The following APOL4 variants were observed in gnomAD, a reference collection of about 807,000 sequenced individuals.
APOL4 encodes apolipoprotein L, 4.
Under a neutral mutation model 12.1 loss-of-function variants are expected in APOL4, and 14 were observed. The observed-to-expected ratio is 1.16, with a 90% CI of 0.76 to 1.81. APOL4 has a LOEUF of 1.81. Among genes scored for constraint, APOL4 ranks in the 40% most tolerant of loss-of-function variants. APOL4 has a pLI of 0.00. For missense variants in APOL4, 432 were observed against 423.1 expected, an observed-to-expected ratio of 1.02 and a Z score of -0.18; for synonymous variants, 171 against 160.6, an observed-to-expected ratio of 1.06 and a Z score of -0.49.
In APOL4 at chr22:36,191,759, T is replaced by G. The variant is rs1266739385; in HGVS notation, c.363A>C (p.Glu121Asp). Residue 121 changes from glutamate to aspartate, a missense_variant, in exon 4 of 4, where the codon GAA becomes GAC. Glu to Asp is a conservative substitution (Grantham distance 45). Transcript: ENST00000683024. ...QIRWKIQESIERLRVIANEIE... is the reference protein window; with the variant it reads ...QIRWKIQESIDRLRVIANEIE... ...TCTCATTTGCAATGACACGAAGCCT[T>G]TCTATGGACTCCTGAATCTTCCATC... 2 of 1,613,782 alleles carry G rather than the reference T, an allele frequency of 1.2e-6. No individual in the cohort carries two copies. Among genetic ancestry groups the G allele is most frequent in the Non-Finnish European group, 1.7e-6 (2 of 1,179,874 alleles).
intron 1 of APOL4, among the ~76,000 whole-genome samples, chr22:36,201,319 A>G: frequency 6.7e-6 from 1 of 149,448 alleles, no homozygotes; most frequent in South Asian, 2.2e-4. Flanking sequence ...GGGCCCCCTG[A>G]TGGGGTTCCA....
upstream of APOL4, among the ~76,000 whole-genome samples, chr22:36,202,282 T>C (rs1016589305): frequency 6.6e-6 from 1 of 152,212 alleles, no homozygotes; most frequent in African/African-American, 2.4e-5. Flanking sequence ...AATTTGTTAA[T>C]TTTTGATTTC....
rs763740927 is a variant in APOL4, at chr22:36,191,419, C to T, written c.703G>A (p.Glu235Lys). The T allele has an allele frequency of 6.2e-6, 10 of 1,613,912 alleles. No individual in the cohort carries two copies. The highest frequency in any genetic ancestry group is 3.3e-5 in the South Asian group (3 of 91,092). ...TCATTCGCAATCATTTTTGTGGCTTCGTCAAAATCAAGTGCAAAAGAAAGC... is the reference window on the plus strand; with the variant it reads ...TCATTCGCAATCATTTTTGTGGCTTTGTCAAAATCAAGTGCAAAAGAAAGC... ...NVLSFALDFD[E>K]ATKMIANDVH... The change falls in exon 4 of 4, where the codon GAA (glutamate) becomes AAA (lysine). Residue 235 changes from glutamate to lysine, a missense_variant. Physicochemically the swap from Glu to Lys is moderately conservative, Grantham distance 56. Coordinates refer to ENST00000683024, the MANE Select transcript of APOL4 (RefSeq NM_001386885.1).
At chr22:36,199,973 A>G (rs1300248186) in intron 1 of APOL4, among the ~76,000 whole-genome samples, 1 of 151,902 alleles carries the variant, frequency 6.6e-6, no homozygotes, top group East Asian at 1.9e-4. Flanking sequence ...ACATTCGGCT[A>G]ATTTTTTGTA....
upstream of APOL4, among the ~76,000 whole-genome samples, chr22:36,203,361 T>C (rs1482713707): frequency 6.6e-6 from 1 of 152,224 alleles, no homozygotes; most frequent in Non-Finnish European, 1.5e-5. Context: ...TAGGGTCATT[T>C]GATTACGAGG....
At position 36,199,377 on chromosome 22, in the gene APOL4, C is replaced by G. The variant is rs1427877383; in HGVS notation, c.36-1G>C. The G allele has an allele frequency of 1.2e-6, 2 of 1,614,036 alleles. No individual in the cohort carries two copies. The highest frequency in any genetic ancestry group is 3.3e-5 in the Admixed American group (2 of 60,030). On this transcript the variant is annotated splice_acceptor_variant, in intron 1 of 3. Transcript: ENST00000683024. LOFTEE classifies it high-confidence loss of function. ...CCAGCCTGGATGGTTTTGCTGCACC[C>G]TTGAGGAAGAGAAAACAAATTGTGG...
chr22:36,198,492 G>A (rs942453933), intron 2 of APOL4, among the ~76,000 whole-genome samples: 4 of 152,118 alleles, frequency 2.6e-5, no homozygotes, highest in Admixed American at 2.0e-4. Context: ...ATGTTTCTTT[G>A]ACAAGGGGTA....
In APOL4 at chr22:36,195,419, T is replaced by C; in HGVS notation, c.101A>G (p.Glu34Gly). 1 of 1,613,320 alleles carries C rather than the reference T, an allele frequency of 6.2e-7. No individual in the cohort carries two copies. Among genetic ancestry groups the C allele is most frequent in the Non-Finnish European group, 8.5e-7 (1 of 1,179,614 alleles). ...GQFQEKKRFT[E>G]EVIEYFQKKV... ...CTTCTGGAAGTATTCAATGACTTCT[T>C]CAGTGAAGCGTTTCTTTTCTAGTTG... is the stretch of plus-strand genomic sequence containing the variant. The change falls in exon 3 of 4, where the codon GAA becomes GGA. Residue 34 changes from glutamate (E) to glycine (G), a missense_variant. Transcript: ENST00000683024.
intron 1 of APOL4, chr22:36,199,595 A>C (rs551188128): frequency 1.3e-6 from 2 of 1,556,144 alleles, no homozygotes; most frequent in Admixed American, 3.9e-5. Context: ...ACACCAAGGA[A>C]AAGTCCGCTT....
At chr22:36,195,935 CTG>C (rs2146941386) in intron 2 of APOL4, among the ~76,000 whole-genome samples, 1 of 152,316 alleles carries the variant, frequency 6.6e-6, no homozygotes, top group Non-Finnish European at 1.5e-5. Context: ...GCCTCTAGAA[CTG>C]TGAGAAAATA....
rs746034036 is a variant in APOL4 at position 36,191,569 on chromosome 22, C to T, written c.553G>A (p.Ala185Thr). 34 of 1,613,556 alleles carry T rather than the reference C, an allele frequency of 2.1e-5. No homozygotes were observed. The highest frequency in any genetic ancestry group is 1.3e-4 in the East Asian group (6 of 44,872). Residue 185 changes from alanine to threonine, a missense_variant, in exon 4 of 4, where the codon GCC (alanine) becomes ACC (threonine). Ala to Thr is a moderately conservative substitution (Grantham distance 58). Coordinates refer to ENST00000683024, the MANE Select transcript of APOL4 (RefSeq NM_001386885.1). ...TATGTGTTCTCCACGATGCTGGAGG[C>T]GATCCCAGCCGTGGCAGATGCTATT... ...LGIASATAGI[A>T]SSIVENTYTR...
chr22:36,203,174 T>C (rs570959604), upstream of APOL4, among the ~76,000 whole-genome samples: 2 of 152,312 alleles, frequency 1.3e-5, no homozygotes, highest in South Asian at 2.1e-4. Context: ...CAGCCCCCAG[T>C]GCAACGGGGC....
At chr22:36,200,952 A>G (rs1460909191) in intron 1 of APOL4, among the ~76,000 whole-genome samples, 1 of 152,198 alleles carries the variant, frequency 6.6e-6, no homozygotes, top group African/African-American at 2.4e-5. Flanking sequence ...GAGGATTAAT[A>G]TTGTCATTTT....
At chr22:36,195,962 G>A (rs1260147094) in intron 2 of APOL4, among the ~76,000 whole-genome samples, 2 of 152,192 alleles carry the variant, frequency 1.3e-5, no homozygotes, top group African/African-American at 4.8e-5. Context: ...AGTTGTTGAA[G>A]CCACCCAGCT....
chr22:36,191,818 T>C lies in APOL4; in HGVS notation c.304A>G (p.Arg102Gly). The change falls in exon 4 of 4, where the codon AGG becomes GGG. Residue 102 changes from arginine to glycine, a missense_variant. Coordinates refer to ENST00000683024, the MANE Select transcript of APOL4 (RefSeq NM_001386885.1). ...GGAAACTCTTTCAAAAACCACTCCCTAAACTGCTGTTCTTTTTGCTGCATG... is the reference window on the plus strand; with the variant it reads ...GGAAACTCTTTCAAAAACCACTCCCCAAACTGCTGTTCTTTTTGCTGCATG... ...KDMQQKEQQF[R>G]EWFLKEFPQI... The C allele has an allele frequency of 6.2e-7, 1 of 1,613,954 alleles. No homozygotes were observed.
rs995917440 is a variant in APOL4 at position 36,191,009 on chromosome 22, G to T, written c.*66C>A. 2.9e-6 allele frequency: 4 copies of T among 1,362,576 alleles called. No homozygotes were observed. The Admixed American group carries it at 1.0e-4, about 34-fold the overall frequency. The allele number at this position is 1,362,576 out of a possible 1,614,324, so 84.4% of individuals were successfully genotyped here. ...TGTCCATGAAATCTTCACAATCCACGTTCTTCTGCCATGGCTTCAGCCAGT... is the reference window on the plus strand; with the variant it reads ...TGTCCATGAAATCTTCACAATCCACTTTCTTCTGCCATGGCTTCAGCCAGT... On this transcript the variant is annotated 3_prime_UTR_variant, in exon 4 of 4. Transcript: ENST00000683024.
At position 36,190,855 on chromosome 22, in the gene APOL4, T is replaced by C. The variant is rs2014222322; in HGVS notation, c.*220A>G. The C allele has an allele frequency of 2.6e-5, 14 of 546,834 alleles. No individual in the cohort carries two copies. Among genetic ancestry groups the C allele is most frequent in the Middle Eastern group, 5.0e-4 (1 of 2,000 alleles). The allele number at this position is 546,834 out of a possible 1,614,324, so 33.9% of individuals were successfully genotyped here. ...TAGGAGATTAAAGTAAAGACAGGCA[T>C]AAGAAATCACAAGGGTATTGATTGG... On this transcript the variant is annotated 3_prime_UTR_variant, in exon 4 of 4. Coordinates refer to ENST00000683024, the MANE Select transcript of APOL4 (RefSeq NM_001386885.1).
chr22:36,196,276 T>C (rs1229064739), intron 2 of APOL4, among the ~76,000 whole-genome samples: 2 of 152,210 alleles, frequency 1.3e-5, no homozygotes, highest in South Asian at 4.1e-4. Flanking sequence ...TCAGAGTATA[T>C]TGAACATAGC....
intron 3 of APOL4, among the ~76,000 whole-genome samples, chr22:36,193,938 G>A (rs1203537421): frequency 6.6e-6 from 1 of 152,152 alleles, no homozygotes; most frequent in Non-Finnish European, 1.5e-5. Flanking sequence ...CCAAACTAAT[G>A]CCTTAGCAGG....
Sources: gnomAD v4.1 joint callset for allele counts (sites outside exome capture counted in the v4.1 genomes callset) on GRCh38, gnomAD v4.1.1 for gene constraint, MANE v1.5 for transcripts, NCBI Gene and HGNC (gene_info 2026-07-23, HGNC 2026-07-21) for gene names.